The following CDH1 variants were observed in gnomAD, a reference collection of about 807,000 sequenced individuals.
The protein encoded by CDH1 is cadherin-1.
CDH1 carries 35 observed loss-of-function variants against 84.5 expected under a neutral mutation model. The ratio of observed to expected loss-of-function variants is 0.41; its 90% CI spans 0.32 to 0.55. The LOEUF (loss-of-function observed/expected upper bound fraction) is 0.55, where lower values mean the gene tolerates loss of function less well. Among genes scored for constraint, CDH1 ranks in the 20% least tolerant of loss-of-function variants. The probability of loss-of-function intolerance (pLI) is 0.19; values close to 1 mark genes in which losing one functional copy is unlikely to be tolerated. For synonymous variants in CDH1, 417 were observed against 439.0 expected (o/e 0.95, Z 0.63); for missense variants, 994 against 1,126.6 (o/e 0.88, Z 1.68).
chr16:68,801,988 A>G (rs1960530709), intron 3 of CDH1, 95 bp downstream of exon 3: 1 of 1,060,956 alleles, frequency 9.4e-7, no homozygotes, highest in African/African-American at 1.6e-5. Flanking sequence ...TTTGGGCTGG[A>G]TGATTTTGTG....
chr16:68,815,176 A>G (rs1051044707), intron 9 of CDH1, among the ~76,000 whole-genome samples: 1 of 152,074 alleles, frequency 6.6e-6, no homozygotes, highest in Non-Finnish European at 1.5e-5. Flanking sequence ...GCAGTGAGCC[A>G]TTGCATTCCA....
At chr16:68,740,018 G>A (rs1962521173) in intron 2 of CDH1, among the ~76,000 whole-genome samples, 1 of 152,186 alleles carries the variant, frequency 6.6e-6, no homozygotes, top group African/African-American at 2.4e-5. Flanking sequence ...ACAATCTAGA[G>A]TTTGCTTTGT....
intron 3 of CDH1, among the ~76,000 whole-genome samples, chr16:68,807,300 A>C (rs1357768627): frequency 6.6e-6 from 1 of 152,208 alleles, no homozygotes; most frequent in Non-Finnish European, 1.5e-5. Context: ...TTGATCACAA[A>C]GTAGTTCTTA....
intron 2 of CDH1, among the ~76,000 whole-genome samples, chr16:68,787,966 T>C (rs1027517495): frequency 6.6e-6 from 1 of 151,950 alleles, no homozygotes; most frequent in Non-Finnish European, 1.5e-5. Context: ...GCTGGGATTA[T>C]AGGCATGTGC....
intron 2 of CDH1, among the ~76,000 whole-genome samples, chr16:68,757,471 A>G (rs1963044348): frequency 6.6e-6 from 1 of 152,208 alleles, no homozygotes. Context: ...TCTTTCTGCT[A>G]ATCCTCTCAC....
At chr16:68,738,546 C>T (rs1567471633) in intron 2 of CDH1, 135 bp downstream of exon 2, 5 of 615,442 alleles carry the variant, frequency 8.1e-6, no homozygotes, top group Non-Finnish European at 1.4e-5. Context: ...TTGGAATTTA[C>T]GCAGATTTGG....
Position 68,801,726 on chromosome 16 carries a change from C to G in CDH1, c.220C>G (p.Arg74Gly), listed in dbSNP as rs876658932. Reference sequence around the variant, plus strand: ...GACAGCCTATTTTTCCCTCGACACCCGATTCAAAGTGGGCACAGATGGTGT... The same window carrying G: ...GACAGCCTATTTTTCCCTCGACACCGGATTCAAAGTGGGCACAGATGGTGT... The part of the protein sequence containing the change: ...QRTAYFSLDT[R>G]FKVGTDGVIT... Residue 74 changes from arginine to glycine, a missense_variant, in exon 3 of 16, where the codon CGA (arginine) becomes GGA (glycine). Transcript: ENST00000261769. 1 of 1,614,020 alleles carries G rather than the reference C, an allele frequency of 6.2e-7. No homozygotes were observed. The highest frequency in any genetic ancestry group is 1.3e-5 in the African/African-American group (1 of 74,912).
intron 2 of CDH1, among the ~76,000 whole-genome samples, chr16:68,799,941 C>G (rs138883020): frequency 6.6e-6 from 1 of 151,010 alleles, no homozygotes; most frequent in Admixed American, 6.6e-5. Context: ...ACCCAGGAGG[C>G]GGAGGTTTCA....
chr16:68,791,508 G>A (rs549950465), intron 2 of CDH1, among the ~76,000 whole-genome samples: 20 of 150,214 alleles, frequency 1.3e-4, no homozygotes, highest in Non-Finnish European at 2.8e-4. Flanking sequence ...CTGCAGCCTC[G>A]ACCTCCTGTG....
Position 68,754,504 on chromosome 16 carries a change from C to T in CDH1, c.163+16093C>T, listed in dbSNP as rs530682832. 5.3e-5 allele frequency among the ~76,000 whole-genome samples: 8 copies of T among 152,294 alleles called. No homozygotes were observed. The East Asian group carries it at 5.8e-4, about 11-fold the overall frequency. On this transcript the variant is annotated intron_variant, in intron 2 of 15. Coordinates refer to ENST00000261769, the MANE Select transcript of CDH1 (RefSeq NM_004360.5). ...TGCTTTCTGTATGTTGAACTCTTCC[C>T]GTATGCCATCTCCTGTAACCCTCAT... is the stretch of plus-strand genomic sequence containing the variant.
chr16:68,750,844 C>A (rs964785094), intron 2 of CDH1, among the ~76,000 whole-genome samples: 4 of 151,708 alleles, frequency 2.6e-5, no homozygotes, highest in African/African-American at 9.7e-5. Context: ...AGCTGGGATA[C>A]AGACACACAT....
chr16:68,771,738 A>G (rs12927073), intron 2 of CDH1, among the ~76,000 whole-genome samples: 129,881 of 150,160 alleles, frequency 0.86, 56,366 homozygotes, highest in Non-Finnish European at 0.89. Context: ...GCGACAGAGC[A>G]AGACTCCCTC....
chr16:68,758,189 G>A (rs1036433481), intron 2 of CDH1, among the ~76,000 whole-genome samples: 5 of 143,998 alleles, frequency 3.5e-5, no homozygotes, highest in African/African-American at 1.3e-4. Flanking sequence ...TTTGCCTAGG[G>A]TAGGCTTCTT....
chr16:68,795,744 G>A (rs1960341294), intron 2 of CDH1, among the ~76,000 whole-genome samples: 1 of 150,348 alleles, frequency 6.7e-6, no homozygotes, highest in African/African-American at 2.4e-5. Flanking sequence ...GATCCACCTG[G>A]CTCGGCCTCC....
chr16:68,811,123 T>C (rs1240526580), intron 6 of CDH1, among the ~76,000 whole-genome samples: 1 of 151,572 alleles, frequency 6.6e-6, no homozygotes, highest in Non-Finnish European at 1.5e-5. Context: ...CTAGGCTGGG[T>C]GTGGTGGTTC....
At chr16:68,745,543 A>ATATATATATATATATATATGT (rs1282262419) in intron 2 of CDH1, among the ~76,000 whole-genome samples, 3 of 14,300 alleles carry the variant, frequency 2.1e-4, no homozygotes, top group African/African-American at 7.8e-4. Flanking sequence ...CAAAAAAAAA[A>ATATATATATATATATATATGT]AAAAAAATAT....
At chr16:68,785,429 C>T (rs978165089) in intron 2 of CDH1, among the ~76,000 whole-genome samples, 6 of 152,062 alleles carry the variant, frequency 3.9e-5, no homozygotes, top group African/African-American at 7.2e-5. Context: ...TGACCTCAAG[C>T]GATCCACCCA....
intron 2 of CDH1, among the ~76,000 whole-genome samples, chr16:68,781,486 G>C (rs1315906754): frequency 6.6e-6 from 1 of 152,080 alleles, no homozygotes; most frequent in Non-Finnish European, 1.5e-5. Context: ...GACTACAGGA[G>C]CATGCCACTA....
intron 10 of CDH1, among the ~76,000 whole-genome samples, chr16:68,818,849 CAAAAAAAAAAAA>C (rs758115524): frequency 1.4e-5 from 1 of 72,518 alleles, no homozygotes; most frequent in Non-Finnish European, 2.9e-5. Context: ...GACTCCGTCT[CAAAAAAAAAAAA>C]AAAAAAAAAG....
Sources: gnomAD v4.1 joint callset for allele counts (sites outside exome capture counted in the v4.1 genomes callset) on GRCh38, gnomAD v4.1.1 for gene constraint, MANE v1.5 for transcripts, NCBI Gene and HGNC (gene_info 2026-07-23, HGNC 2026-07-21) for gene names.